The following RHOH variants were observed in gnomAD, a reference collection of about 807,000 sequenced individuals.
RHOH encodes ras homolog family member H.
Under a neutral mutation model 13.8 loss-of-function variants are expected in RHOH, and 6 were observed. The observed-to-expected ratio is 0.44, with a 90% CI of 0.24 to 0.86. RHOH has a LOEUF of 0.86. RHOH is among the 40% of genes least tolerant of loss of function. The pLI, the probability that RHOH is intolerant of heterozygous loss-of-function variation, is 0.24. For synonymous variants in RHOH, 117 were observed against 103.0 expected, an observed-to-expected ratio of 1.14 and a Z score of -0.82; for missense variants, 147 against 244.5, an observed-to-expected ratio of 0.60 and a Z score of 2.66.
intron 1 of RHOH, among the ~76,000 whole-genome samples, chr4:40,240,606 G>T (rs892952257): frequency 7.3e-5 from 11 of 151,436 alleles, no homozygotes; most frequent in Non-Finnish European, 2.9e-5. Context: ...GTGAAACCCT[G>T]TCTGTACTAA....
intron 1 of RHOH, among the ~76,000 whole-genome samples, chr4:40,197,817 T>A (rs575513962): frequency 6.6e-6 from 1 of 152,250 alleles, no homozygotes; most frequent in African/African-American, 2.4e-5. Flanking sequence ...TAACATGTAT[T>A]TTTTAATTAA....
intron 1 of RHOH, chr4:40,240,179 AT>A (rs2109569719): frequency 1.3e-5 from 2 of 152,310 alleles, no homozygotes; most frequent in African/African-American, 4.8e-5. Flanking sequence ...TGGAAAGTTT[AT>A]TTAAATAACC....
chr4:40,242,553 A>C (rs529737386), intron 1 of RHOH, among the ~76,000 whole-genome samples, 161 bp from the exon 2 acceptor site: 80 of 152,338 alleles, frequency 5.3e-4, no homozygotes, highest in African/African-American at 1.9e-3. Context: ...GTTTTTGGAA[A>C]AACCTCAAGG....
At chr4:40,240,788 A>C (rs1463038088) in intron 1 of RHOH, among the ~76,000 whole-genome samples, 2 of 151,992 alleles carry the variant, frequency 1.3e-5, no homozygotes, top group African/African-American at 4.8e-5. Flanking sequence ...AAAAAATAAA[A>C]TTAAAATAAA....
At chr4:40,223,896 C>T (rs1333853449) in intron 1 of RHOH, among the ~76,000 whole-genome samples, 1 of 151,754 alleles carries the variant, frequency 6.6e-6, no homozygotes, top group South Asian at 2.1e-4. Context: ...CCTCAGCCTC[C>T]CAAGTAGCTG....
At chr4:40,209,280 G>T (rs1724990808) in intron 1 of RHOH, among the ~76,000 whole-genome samples, 1 of 152,166 alleles carries the variant, frequency 6.6e-6, no homozygotes, top group African/African-American at 2.4e-5. Context: ...AGTGAGAGAT[G>T]TTGGAATTAT....
At chr4:40,231,349 A>G (rs182547854) in intron 1 of RHOH, among the ~76,000 whole-genome samples, 303 of 148,386 alleles carry the variant, frequency 2.0e-3, no homozygotes, top group Non-Finnish European at 3.2e-3. Context: ...GCTATACATA[A>G]CATAGAAGAG....
upstream of RHOH, chr4:40,196,872 AG>A (rs575399890): frequency 2.0e-5 from 3 of 152,166 alleles, no homozygotes; most frequent in Non-Finnish European, 4.4e-5. Context: ...GGTGCGGCAA[AG>A]GCCTTATTCT....
Position 40,243,893 on chromosome 4 carries a change from T to G in RHOH, c.507T>G (p.Thr169=). ...VQQVFECAVR[T]AVNQARRRNR... is the part of the protein sequence containing the mutation. ...AGGTGTTTGAGTGCGCCGTCCGAAC[T>G]GCCGTCAACCAGGCCAGGAGACGAA... Residue 169 remains threonine (T), a synonymous_variant, in exon 3 of 3, where the codon ACT becomes ACG. Coordinates refer to ENST00000381799, the MANE Select transcript of RHOH (RefSeq NM_004310.5). The surrounding 1 kb of genome is among the most constrained non-coding windows in gnomAD (Gnocchi z 6.2). 6.2e-7 allele frequency: 1 copy of G among 1,614,184 alleles called. No homozygotes were observed. Among genetic ancestry groups the G allele is most frequent in the Non-Finnish European group, 8.5e-7 (1 of 1,180,022 alleles).
intron 1 of RHOH, among the ~76,000 whole-genome samples, chr4:40,241,553 T>C (rs1468279748): frequency 6.6e-6 from 1 of 152,294 alleles, no homozygotes; most frequent in East Asian, 1.9e-4. Flanking sequence ...CAAAAGCTAT[T>C]AGGTATAATT....
chr4:40,221,877 A>G (rs990343922), intron 1 of RHOH, among the ~76,000 whole-genome samples: 1 of 152,224 alleles, frequency 6.6e-6, no homozygotes. Context: ...CAGGTTGTCA[A>G]TGCAAAGGAA....
intron 1 of RHOH, among the ~76,000 whole-genome samples, chr4:40,239,919 A>C (rs1729050637): frequency 1.3e-5 from 2 of 152,108 alleles, no homozygotes; most frequent in African/African-American, 2.4e-5. Flanking sequence ...AGCTCTAAGC[A>C]CACTTAATAC....
intron 1 of RHOH, among the ~76,000 whole-genome samples, chr4:40,197,878 C>T (rs961203340): frequency 3.9e-5 from 6 of 152,138 alleles, no homozygotes; most frequent in Admixed American, 3.9e-4. Flanking sequence ...CTACGAGGTA[C>T]CAGTCAGTAG....
At chr4:40,232,478 C>T (rs533482340) in intron 1 of RHOH, among the ~76,000 whole-genome samples, 2 of 151,646 alleles carry the variant, frequency 1.3e-5, no homozygotes, top group Non-Finnish European at 2.9e-5. Flanking sequence ...TGGTCTTGAA[C>T]TCCTGGGTTC....
At chr4:40,196,016 C>T (rs974362281), upstream of RHOH, among the ~76,000 whole-genome samples, 2 of 152,216 alleles carry the variant, frequency 1.3e-5, no homozygotes, top group Non-Finnish European at 2.9e-5. Flanking sequence ...TTTGCACATA[C>T]TATTTGCCTC....
At chr4:40,206,727 A>G (rs1014678343) in intron 1 of RHOH, among the ~76,000 whole-genome samples, 8 of 152,224 alleles carry the variant, frequency 5.3e-5, no homozygotes, top group African/African-American at 1.7e-4. Flanking sequence ...ACAATTTCCT[A>G]TATGTGCCAA....
chr4:40,231,466 T>C (rs1317422486), intron 1 of RHOH, among the ~76,000 whole-genome samples: 3 of 152,136 alleles, frequency 2.0e-5, no homozygotes, highest in Non-Finnish European at 2.9e-5. Flanking sequence ...AGCCTTGTCA[T>C]ATGACGGCAG....
intron 1 of RHOH, among the ~76,000 whole-genome samples, chr4:40,199,734 C>T (rs186290363): frequency 6.6e-6 from 1 of 152,344 alleles, no homozygotes; most frequent in East Asian, 1.9e-4. Flanking sequence ...TAGCAAGGCA[C>T]AGCTAAAATT....
At position 40,243,261 on chromosome 4, in the gene RHOH, A is replaced by T; in HGVS notation, c.-126A>T. On this transcript the variant is annotated 5_prime_UTR_variant, in exon 3 of 3. Transcript: ENST00000381799. The surrounding 1 kb of genome is among the most constrained non-coding windows in gnomAD (Gnocchi z 6.2). ...GTAACATTCTGCAAATCGCCGTCAG[A>T]GGTCCTGAGGACACAGACCTACCTG... 2.8e-6 allele frequency: 2 copies of T among 711,454 alleles called. No homozygotes were observed. Among genetic ancestry groups the T allele is most frequent in the Non-Finnish European group, 4.6e-6 (2 of 438,168 alleles). The allele number at this position is 711,454 out of a possible 1,614,324, so 44.1% of individuals were successfully genotyped here.
Sources: gnomAD v4.1 joint callset for allele counts (sites outside exome capture counted in the v4.1 genomes callset) on GRCh38, gnomAD v4.1.1 for gene constraint, Gnocchi (gnomAD v3.1) non-coding constraint, MANE v1.5 for transcripts, NCBI Gene and HGNC (gene_info 2026-07-23, HGNC 2026-07-21) for gene names.